Variants in SDCCAG8 observed in about 807,000 individuals in gnomAD.
The protein encoded by SDCCAG8 is serologically defined colon cancer antigen 8.
SDCCAG8 carries 74 observed loss-of-function variants against 101.8 expected under a neutral mutation model. The ratio of observed to expected loss-of-function variants is 0.73; its 90% confidence interval spans 0.60 to 0.88. The LOEUF is 0.88. SDCCAG8 is among the 40% of genes least tolerant of loss of function. The probability of loss-of-function intolerance (pLI) is 0.00; values close to 1 mark genes in which losing one functional copy is unlikely to be tolerated. For synonymous variants in SDCCAG8, 281 were observed against 292.9 expected (o/e 0.96, Z 0.41); for missense variants, 787 against 822.6 (o/e 0.96, Z 0.53).
At chr1:243,328,568 C>T (rs1367797135) in intron 9 of SDCCAG8, among the ~76,000 whole-genome samples, 2 of 151,768 alleles carry the variant, frequency 1.3e-5, no homozygotes, top group Admixed American at 6.5e-5. Flanking sequence ...TGAGCCACCA[C>T]GCCCAGCCAA....
intron 16 of SDCCAG8, among the ~76,000 whole-genome samples, chr1:243,472,148 G>C (rs1661394471): frequency 1.3e-5 from 2 of 152,216 alleles, no homozygotes; most frequent in African/African-American, 4.8e-5. Context: ...CATGGCACAT[G>C]CAGTGCAGTG....
chr1:243,345,006 A>G (rs974749979), intron 12 of SDCCAG8, among the ~76,000 whole-genome samples: 1 of 152,188 alleles, frequency 6.6e-6, no homozygotes, highest in Non-Finnish European at 1.5e-5. Flanking sequence ...ATGTTACAGT[A>G]CAGGACCTTG....
rs967162680 is a variant in SDCCAG8 at position 243,486,341 on chromosome 1, A to G, written c.1986-2673A>G. The stretch of plus-strand genomic sequence containing the variant: ...TGTGAAGGGAGAGCTGCCCCTTCTT[A>G]GGGATCTCACTTCTCACAGCAGGGG... On this transcript the variant is annotated intron_variant, in intron 16 of 17. Coordinates refer to ENST00000366541, the MANE Select transcript of SDCCAG8 (RefSeq NM_006642.5). Among the ~76,000 whole-genome samples, 2 of 151,806 alleles carry G rather than the reference A, an allele frequency of 1.3e-5. 1 individual carries two copies. Among genetic ancestry groups the G allele is most frequent in the Non-Finnish European group, 2.9e-5 (2 of 68,000 alleles).
At chr1:243,276,064 A>G (rs1025997436) in intron 4 of SDCCAG8, among the ~76,000 whole-genome samples, 7 of 151,898 alleles carry the variant, frequency 4.6e-5, no homozygotes, top group African/African-American at 1.5e-4. Flanking sequence ...GGGTTTCACC[A>G]TGTTGGCCAG....
At chr1:243,482,830 C>T (rs570205342) in intron 16 of SDCCAG8, among the ~76,000 whole-genome samples, 134 of 152,246 alleles carry the variant, frequency 8.8e-4, no homozygotes, top group Non-Finnish European at 1.5e-3. Context: ...CTGCCTGTTG[C>T]AAAGATGAGA....
chr1:243,433,502 C>T (rs897181306), intron 16 of SDCCAG8, among the ~76,000 whole-genome samples: 1 of 152,180 alleles, frequency 6.6e-6, no homozygotes, highest in Non-Finnish European at 1.5e-5. Context: ...TCACTCCTGG[C>T]TGCTGCCATG....
At chr1:243,341,235 T>C in intron 11 of SDCCAG8, 62 bp downstream of exon 11, 1 of 1,579,334 alleles carries the variant, frequency 6.3e-7, no homozygotes, top group Non-Finnish European at 8.7e-7. Flanking sequence ...AAAAATGTTT[T>C]CCTAATGTAC....
rs192272982 is a variant in SDCCAG8, at chr1:243,418,544, C to T, written c.1853+468C>T. On this transcript the variant is annotated intron_variant, in intron 15 of 17. Coordinates refer to ENST00000366541, the MANE Select transcript of SDCCAG8 (RefSeq NM_006642.5). ...AATAAATAAACCAAAACTATTCTTC[C>T]CTTCTCCTAAAATTGTTATATTTTA... Among the ~76,000 whole-genome samples, 3 of 152,186 alleles carry T rather than the reference C, an allele frequency of 2.0e-5. No homozygotes were observed. In the East Asian group the frequency reaches 5.8e-4, roughly 29 times the overall value.
chr1:243,491,243 G>A (rs1201114932), intron 17 of SDCCAG8, among the ~76,000 whole-genome samples: 4 of 152,124 alleles, frequency 2.6e-5, no homozygotes, highest in Admixed American at 6.5e-5. Context: ...ATTGCCAAAT[G>A]AGTTGCAAAA....
intron 4 of SDCCAG8, among the ~76,000 whole-genome samples, chr1:243,283,541 A>G (rs1175938003): frequency 6.6e-6 from 1 of 151,292 alleles, no homozygotes; most frequent in Non-Finnish European, 1.5e-5. Context: ...ACAATTCTTA[A>G]AGTTTACTAA....
chr1:243,375,294 A>T (rs1190476967), intron 12 of SDCCAG8, among the ~76,000 whole-genome samples: 2 of 152,150 alleles, frequency 1.3e-5, no homozygotes, highest in Non-Finnish European at 2.9e-5. Flanking sequence ...TTAGGTTTGA[A>T]ATCGGGGAGG....
Position 243,273,790 on chromosome 1 carries a change from G to A in SDCCAG8, c.307-753G>A, listed in dbSNP as rs139058082. Among the ~76,000 whole-genome samples the A allele has an allele frequency of 2.3e-4, 35 of 152,254 alleles. No individual in the cohort carries two copies. In the East Asian group the frequency reaches 2.7e-3, roughly 12 times the overall value. The stretch of plus-strand genomic sequence containing the variant: ...CCCTTGTATCTCAGCATTACTGAAT[G>A]GAATGTTGTTTTTCCAATTTGTTAA... On this transcript the variant is annotated intron_variant, in intron 3 of 17. Coordinates refer to ENST00000366541, the MANE Select transcript of SDCCAG8 (RefSeq NM_006642.5).
intron 9 of SDCCAG8, among the ~76,000 whole-genome samples, chr1:243,321,914 G>A (rs560187476): frequency 5.0e-4 from 76 of 152,374 alleles, no homozygotes; most frequent in Admixed American, 1.6e-3. Context: ...CTCCCAAAGT[G>A]CCGGGATTAC....
At chr1:243,484,691 G>A (rs1460381563) in intron 16 of SDCCAG8, among the ~76,000 whole-genome samples, 1 of 152,172 alleles carries the variant, frequency 6.6e-6, no homozygotes, top group Non-Finnish European at 1.5e-5. Context: ...GGAACCGCCC[G>A]AGAGCCGGGA....
intron 16 of SDCCAG8, among the ~76,000 whole-genome samples, chr1:243,456,806 T>C (rs889510476): frequency 6.6e-6 from 1 of 152,222 alleles, no homozygotes; most frequent in Non-Finnish European, 1.5e-5. Flanking sequence ...TATTTAACTT[T>C]CTATTGTAGA....
At chr1:243,264,415 G>T (rs890110214) in intron 1 of SDCCAG8, among the ~76,000 whole-genome samples, 1 of 152,152 alleles carries the variant, frequency 6.6e-6, no homozygotes, top group South Asian at 2.1e-4. Context: ...GAGGGTTTGA[G>T]ACCAGCCTGA....
chr1:243,463,429 A>G (rs948671200), intron 16 of SDCCAG8, among the ~76,000 whole-genome samples: 2 of 151,602 alleles, frequency 1.3e-5, no homozygotes, highest in Non-Finnish European at 2.9e-5. Flanking sequence ...GAAGAAGCAC[A>G]TGACTTCTGG....
chr1:243,459,839 A>G (rs529924095), intron 16 of SDCCAG8, among the ~76,000 whole-genome samples: 1 of 152,232 alleles, frequency 6.6e-6, no homozygotes, highest in East Asian at 1.9e-4. Flanking sequence ...TCCTGGCCTC[A>G]AGTGATCCTC....
chr1:243,391,517 C>A (rs1375449410), intron 13 of SDCCAG8, among the ~76,000 whole-genome samples: 1 of 152,220 alleles, frequency 6.6e-6, no homozygotes, highest in Non-Finnish European at 1.5e-5. Context: ...TGTGGCCTCT[C>A]CCCAGCAGGC....
Sources: gnomAD v4.1 joint callset for allele counts (sites outside exome capture counted in the v4.1 genomes callset) on GRCh38, gnomAD v4.1.1 for gene constraint, MANE v1.5 for transcripts, NCBI Gene and HGNC (gene_info 2026-07-23, HGNC 2026-07-21) for gene names.